The following U2SURP variants were observed in gnomAD, a reference collection of about 807,000 sequenced individuals.
U2SURP encodes U2 snRNP-associated SURP motif-containing protein.
Under a neutral mutation model 144.9 loss-of-function variants are expected in U2SURP, and 9 were observed. The ratio of observed to expected loss-of-function variants is 0.06; its 90% confidence interval spans 0.04 to 0.11. U2SURP has a LOEUF of 0.11. Ranked by LOEUF, U2SURP falls within the 10% of genes least tolerant of loss-of-function variation. U2SURP has a pLI of 1.00. For missense variants in U2SURP, 724 were observed against 1,226.7 expected (o/e 0.59, Z 6.12); for synonymous variants, 408 against 396.8 (o/e 1.03, Z -0.33).
intron 18 of U2SURP, among the ~76,000 whole-genome samples, chr3:143,034,126 G>A (rs1272233636): frequency 1.3e-5 from 2 of 152,178 alleles, no homozygotes; most frequent in Admixed American, 6.5e-5. Context: ...TAATTCAGCT[G>A]GGCACAGTGG....
Position 143,054,956 on chromosome 3 carries a change from A to T in U2SURP, c.2788A>T (p.Ser930Cys). ...TTTGTTCCATAGGAAGAGGCGACAC[A>T]GTACATCCCCCAGCCCATCTCGCAG... ...PTRKERKRRH[S>C]TSPSPSRSSS... is the part of the protein sequence containing the mutation. Residue 930 changes from serine (S) to cysteine (C), a missense_variant, in exon 27 of 28, where the codon AGT becomes TGT. Physicochemically the swap from Ser to Cys is moderately radical, Grantham distance 112. This residue lies in a region of U2SURP where 129 missense variants were observed against 196.1 expected (regional missense o/e 0.66). Transcript: ENST00000473835. 1.2e-6 allele frequency: 2 copies of T among 1,603,012 alleles called. No homozygotes were observed. Among genetic ancestry groups the T allele is most frequent in the Non-Finnish European group, 1.7e-6 (2 of 1,176,470 alleles).
intron 12 of U2SURP, among the ~76,000 whole-genome samples, 165 bp from the exon 13 acceptor site, chr3:143,023,810 A>T (rs1162708929): frequency 2.0e-5 from 3 of 152,326 alleles, no homozygotes; most frequent in Admixed American, 2.0e-4. Flanking sequence ...ATCCATTTGC[A>T]TTTATGTAAT....
Position 143,056,683 on chromosome 3 carries a change from C to G in U2SURP, c.*233C>G, listed in dbSNP as rs1327627665. The stretch of plus-strand genomic sequence containing the variant: ...TTCTCAAGATGAAATTTTTATTGTT[C>G]TAATGGATTTCATCAGAAATGTGTA... On this transcript the variant is annotated 3_prime_UTR_variant, in exon 28 of 28. Coordinates refer to ENST00000473835, the MANE Select transcript of U2SURP (RefSeq NM_001080415.2). 4.6e-6 allele frequency: 2 copies of G among 431,446 alleles called. No individual in the cohort carries two copies. Among genetic ancestry groups the G allele is most frequent in the African/African-American group, 2.0e-5 (1 of 50,924 alleles). The allele number at this position is 431,446 out of a possible 1,614,324, so 26.7% of individuals were successfully genotyped here. A position where few individuals can be genotyped will look rare whatever the true frequency, so the allele number is the denominator to read the frequency against.
At chr3:143,052,453 A>T (rs527458026) in intron 25 of U2SURP, among the ~76,000 whole-genome samples, 1 of 152,338 alleles carries the variant, frequency 6.6e-6, no homozygotes, top group South Asian at 2.1e-4. Context: ...ACACCTTGAG[A>T]TGCTCACTGT....
At chr3:143,039,145 G>A (rs1034655674) in intron 23 of U2SURP, among the ~76,000 whole-genome samples, 185 bp downstream of exon 23, 10 of 151,836 alleles carry the variant, frequency 6.6e-5, no homozygotes, top group Admixed American at 6.6e-4. Flanking sequence ...GGTCTTGATG[G>A]ATCTGGTTTC....
Position 143,036,046 on chromosome 3 carries a change from T to A in U2SURP, c.2006T>A (p.Ile669Asn). The change falls in exon 20 of 28, where the codon ATC (isoleucine) becomes AAC (asparagine). Residue 669 changes from isoleucine (I) to asparagine (N), a missense_variant. By Grantham distance (149) the Ile-to-Asn change is moderately radical. Transcript: ENST00000473835. ...DWAIYPEPFL[I>N]KLQNIFLGLV... ...GCAATTTATCCAGAACCATTTTTGA[T>A]CAAACTACAAAATATTTTCTTAGGA... The A allele has an allele frequency of 6.2e-7, 1 of 1,611,602 alleles. No individual in the cohort carries two copies. The highest frequency in any genetic ancestry group is 8.5e-7 in the Non-Finnish European group (1 of 1,179,100).
At chr3:143,032,052 A>G (rs1047727850) in intron 16 of U2SURP, among the ~76,000 whole-genome samples, 3 of 151,628 alleles carry the variant, frequency 2.0e-5, no homozygotes, top group African/African-American at 7.3e-5. Flanking sequence ...TGGCCTGCAA[A>G]GCCTAAAATA....
chr3:143,003,045 A>C (rs1935620772), intron 1 of U2SURP, among the ~76,000 whole-genome samples: 2 of 151,958 alleles, frequency 1.3e-5, no homozygotes, highest in African/African-American at 2.4e-5. Context: ...AAGCCTCACA[A>C]TTTTTGTTTC....
At chr3:143,055,957 CT>C (rs1350243609) in intron 27 of U2SURP, among the ~76,000 whole-genome samples, 3 of 152,056 alleles carry the variant, frequency 2.0e-5, no homozygotes, top group African/African-American at 7.2e-5. Context: ...TGAACTTTAT[CT>C]TGTAGATTAA....
intron 21 of U2SURP, 55 bp from the exon 22 acceptor site, chr3:143,038,053 A>AC (rs1933905393): frequency 1.5e-6 from 2 of 1,298,988 alleles, no homozygotes; most frequent in East Asian, 4.9e-5. Flanking sequence ...CATGAATGTA[A>AC]TACTTCGGGT....
intron 27 of U2SURP, among the ~76,000 whole-genome samples, chr3:143,055,593 G>A (rs942563030): frequency 6.6e-5 from 10 of 152,002 alleles, no homozygotes; most frequent in Non-Finnish European, 1.5e-5. Context: ...CCAGAAAAAT[G>A]GTTCAGAAAT....
chr3:143,056,509 G>A lies in U2SURP; in HGVS notation c.*59G>A. ...ATGCGATTTGTTTTGTGCCTGAACGGTCTGTTTTTTAAAAAAACAAAAAAT... is the reference window on the plus strand; with the variant it reads ...ATGCGATTTGTTTTGTGCCTGAACGATCTGTTTTTTAAAAAAACAAAAAAT... On this transcript the variant is annotated 3_prime_UTR_variant, in exon 28 of 28. Transcript: ENST00000473835. 6.4e-7 allele frequency: 1 copy of A among 1,570,366 alleles called. No individual in the cohort carries two copies. Among genetic ancestry groups the A allele is most frequent in the Middle Eastern group, 1.7e-4 (1 of 5,814 alleles).
At chr3:143,031,471 T>TAACCTTCAGCTACCACCACCCC (rs1933491132) in intron 16 of U2SURP, among the ~76,000 whole-genome samples, 1 of 151,664 alleles carries the variant, frequency 6.6e-6, no homozygotes. Flanking sequence ...ACCACCACCC[T>TAACCTTCAGCTACCACCACCCC]GATCAGTTGG....
At chr3:143,028,454 C>A in intron 15 of U2SURP, 29 bp from the exon 16 acceptor site, 1 of 1,604,240 alleles carries the variant, frequency 6.2e-7, no homozygotes. Context: ...AGTAATTAGA[C>A]CTTTATAATA....
At position 143,060,077 on chromosome 3, in the gene U2SURP, G is replaced by C. The variant is rs997504748; in HGVS notation, c.*3627G>C. The stretch of plus-strand genomic sequence containing the variant: ...CCATTGTTGAAAATTTGATGCCTCA[G>C]TGTTTATTCAGTACCACCTCATGGA... On this transcript the variant is annotated 3_prime_UTR_variant, in exon 28 of 28. Coordinates refer to ENST00000473835, the MANE Select transcript of U2SURP (RefSeq NM_001080415.2). 6.6e-6 allele frequency: 1 copy of C among 152,434 alleles called. No homozygotes were observed. The highest frequency in any genetic ancestry group is 1.5e-5 in the Non-Finnish European group (1 of 67,888). 9.4% of individuals were successfully genotyped at this position (152,434 alleles called of 1,614,324 possible).
chr3:143,034,647 TC>T, intron 18 of U2SURP: 2 of 313,414 alleles, frequency 6.4e-6, no homozygotes, highest in Non-Finnish European at 1.2e-5. Flanking sequence ...ATATAACGTT[TC>T]TTGCTCGTAA....
In U2SURP at chr3:143,020,584, A is replaced by C. The variant is rs1197697871; in HGVS notation, c.639-15A>C. ...ATTTTGGCTCATTATAAGTGATTGT[A>C]AATATTTTCAACAGAATTCAAGAGG... On this transcript the variant is annotated splice_polypyrimidine_tract_variant and intron_variant, in intron 7 of 27. Transcript: ENST00000473835. 1.3e-6 allele frequency: 2 copies of C among 1,597,030 alleles called. No homozygotes were observed. Among genetic ancestry groups the C allele is most frequent in the Admixed American group, 3.4e-5 (2 of 58,206 alleles).
chr3:143,009,580 AGAGTAAGACTCTGTC>A (rs1403730648), intron 1 of U2SURP, among the ~76,000 whole-genome samples: 2 of 151,964 alleles, frequency 1.3e-5, no homozygotes, highest in African/African-American at 4.8e-5. Context: ...CCTGGGAGAC[AGAGTAAGACTCTGTC>A]TCAAGAAAAA....
At chr3:143,050,561 C>T (rs967781862) in intron 24 of U2SURP, among the ~76,000 whole-genome samples, 5 of 152,154 alleles carry the variant, frequency 3.3e-5, no homozygotes, top group Non-Finnish European at 7.3e-5. Flanking sequence ...CTCCCATCCC[C>T]GCCTCTTTTT....
Sources: allele counts gnomAD v4.1 joint callset (sites outside exome capture counted in the v4.1 genomes callset), GRCh38; gene constraint gnomAD v4.1.1; regional missense constraint gnomAD v4.1.1; transcripts MANE v1.5; gene names NCBI Gene and HGNC (gene_info 2026-07-23, HGNC 2026-07-21).